The following TACR3 variants were observed in gnomAD, a reference collection of about 807,000 sequenced individuals.
TACR3 encodes neuromedin-K receptor.
In TACR3, 34 loss-of-function variants were observed where a neutral mutation model predicts 35.0. The ratio of observed to expected loss-of-function variants is 0.97; its 90% CI spans 0.74 to 1.30. The LOEUF (loss-of-function observed/expected upper bound fraction) is 1.30. Among genes scored for constraint, TACR3 ranks in the 50% most tolerant of loss-of-function variants. The probability of loss-of-function intolerance (pLI) is 0.00; values close to 1 mark genes in which losing one functional copy is unlikely to be tolerated. For synonymous variants in TACR3, 233 were observed against 221.1 expected (o/e 1.05, Z -0.48); for missense variants, 558 against 591.7 (o/e 0.94, Z 0.59).
At chr4:103,595,432 C>G (rs1008303056) in intron 3 of TACR3, among the ~76,000 whole-genome samples, 1 of 152,106 alleles carries the variant, frequency 6.6e-6, no homozygotes, top group Non-Finnish European at 1.5e-5. Flanking sequence ...CTATTTTTAG[C>G]AGTTAAGAAT....
chr4:103,714,876 T>G (rs971408935), intron 1 of TACR3, among the ~76,000 whole-genome samples: 2 of 152,330 alleles, frequency 1.3e-5, no homozygotes, highest in African/African-American at 4.8e-5. Context: ...ATATTTTTAT[T>G]CGTTCAGAAT....
chr4:103,682,547 C>A (rs757733086), intron 1 of TACR3, among the ~76,000 whole-genome samples: 2 of 152,088 alleles, frequency 1.3e-5, no homozygotes, highest in East Asian at 3.9e-4. Flanking sequence ...ATTCAATCAC[C>A]TCCTACCTGG....
intron 1 of TACR3, among the ~76,000 whole-genome samples, chr4:103,687,930 G>A (rs1356310767): frequency 1.6e-4 from 25 of 152,176 alleles, no homozygotes; most frequent in Admixed American, 1.2e-3. Context: ...AAAAGAGCCC[G>A]CATCGCCAAG....
intron 1 of TACR3, among the ~76,000 whole-genome samples, chr4:103,704,596 C>T (rs28438896): frequency 0.33 from 49,581 of 152,020 alleles, 12,390 homozygotes; most frequent in African/African-American, 0.7. Context: ...TCAGATCCCA[C>T]GAGAACTCAC....
At chr4:103,601,150 G>C (rs1249736339) in intron 3 of TACR3, among the ~76,000 whole-genome samples, 2 of 152,114 alleles carry the variant, frequency 1.3e-5, no homozygotes, top group Non-Finnish European at 2.9e-5. Context: ...CCTGTATTGG[G>C]TGTATATATA....
chr4:103,621,188 G>C (rs1344063310), intron 3 of TACR3, among the ~76,000 whole-genome samples: 1 of 152,180 alleles, frequency 6.6e-6, no homozygotes, highest in Non-Finnish European at 1.5e-5. Flanking sequence ...TCTGTGATGA[G>C]AGCAATTGAA....
chr4:103,649,931 T>G (rs913565856), intron 3 of TACR3, among the ~76,000 whole-genome samples: 1 of 152,050 alleles, frequency 6.6e-6, no homozygotes, highest in African/African-American at 2.4e-5. Flanking sequence ...ATTGAAGAGT[T>G]TGTTATTTAT....
At chr4:103,687,780 C>T (rs542745666) in intron 1 of TACR3, among the ~76,000 whole-genome samples, 3 of 152,292 alleles carry the variant, frequency 2.0e-5, no homozygotes, top group African/African-American at 7.2e-5. Context: ...ATTCCATGCT[C>T]ATGTATAGGA....
chr4:103,672,133 G>C lies in TACR3; in HGVS notation c.549-13730C>G, dbSNP rs190337540. 1.8e-3 allele frequency among the ~76,000 whole-genome samples: 281 copies of C among 152,244 alleles called. 2 individuals carry two copies. Among genetic ancestry groups the C allele is most frequent in the Non-Finnish European group, 2.7e-3 (184 of 67,982 alleles). ...ATTAAAGTTTGATTATGAGATTGCA[G>C]CAATTCAGTCACATCTTCAGGCTCC... On this transcript the variant is annotated intron_variant, in intron 1 of 4. Transcript: ENST00000304883.
At chr4:103,654,003 T>A (rs941168428) in intron 3 of TACR3, among the ~76,000 whole-genome samples, 28 of 146,704 alleles carry the variant, frequency 1.9e-4, no homozygotes, top group Non-Finnish European at 4.2e-4. Flanking sequence ...TGAGATACCA[T>A]CTCACACCAG....
chr4:103,688,211 C>A (rs1306674146), intron 1 of TACR3, among the ~76,000 whole-genome samples: 1 of 152,180 alleles, frequency 6.6e-6, no homozygotes, highest in Non-Finnish European at 1.5e-5. Context: ...AAAGCTGAAA[C>A]TGGATCCCTT....
At position 103,587,540 on chromosome 4, in the gene TACR3, A is replaced by T. The variant is rs1218375455; in HGVS notation, c.*2142T>A. On this transcript the variant is annotated 3_prime_UTR_variant, in exon 5 of 5. Coordinates refer to ENST00000304883, the MANE Select transcript of TACR3 (RefSeq NM_001059.3). ...TAGAAAATTCTACTGAATTTCTCTA[A>T]TATGTGAGGGCCAGGAGTTATATTT... 6.6e-6 allele frequency: 1 copy of T among 152,212 alleles called. No individual in the cohort carries two copies. The highest frequency in any genetic ancestry group is 1.9e-4 in the East Asian group (1 of 5,186). The allele number at this position is 152,212 out of a possible 1,614,324, so 9.4% of individuals were successfully genotyped here.
intron 1 of TACR3, among the ~76,000 whole-genome samples, chr4:103,706,863 G>T (rs1722805439): frequency 6.6e-6 from 1 of 152,180 alleles, no homozygotes; most frequent in South Asian, 2.1e-4. Context: ...AAGAGCTTTT[G>T]CCATATATTA....
At chr4:103,664,430 C>T (rs146944338) in intron 1 of TACR3, among the ~76,000 whole-genome samples, 1 of 152,204 alleles carries the variant, frequency 6.6e-6, no homozygotes, top group East Asian at 1.9e-4. Flanking sequence ...TGAGCTTTTA[C>T]ATATCTTCAA....
intron 3 of TACR3, among the ~76,000 whole-genome samples, chr4:103,609,440 A>G (rs1465737994): frequency 6.6e-6 from 1 of 152,146 alleles, no homozygotes; most frequent in Non-Finnish European, 1.5e-5. Context: ...GGAGCAACAT[A>G]AAAGTACATT....
intron 4 of TACR3, 171 bp downstream of exon 4, chr4:103,591,316 A>G (rs1167463571): frequency 2.8e-6 from 2 of 710,740 alleles, no homozygotes; most frequent in South Asian, 1.7e-5. Context: ...GATGCTTTAT[A>G]AAGTGTGTAT....
At chr4:103,627,087 C>T (rs990346208) in intron 3 of TACR3, among the ~76,000 whole-genome samples, 1 of 137,832 alleles carries the variant, frequency 7.3e-6, no homozygotes, top group Non-Finnish European at 1.5e-5. Flanking sequence ...GAGGCTGAGG[C>T]AGGAGAATCA....
At chr4:103,708,676 G>C (rs1378316392) in intron 1 of TACR3, among the ~76,000 whole-genome samples, 1 of 152,198 alleles carries the variant, frequency 6.6e-6, no homozygotes, top group Admixed American at 6.5e-5. Context: ...GACAAGTTGA[G>C]AGAAGAAGCC....
intron 3 of TACR3, among the ~76,000 whole-genome samples, chr4:103,651,717 T>C (rs979885692): frequency 6.6e-6 from 1 of 151,978 alleles, no homozygotes; most frequent in Non-Finnish European, 1.5e-5. Flanking sequence ...GAAGCTAGCA[T>C]GTCTCAGGCT....
Sources: gnomAD v4.1 joint callset for allele counts (sites outside exome capture counted in the v4.1 genomes callset) on GRCh38, gnomAD v4.1.1 for gene constraint, MANE v1.5 for transcripts, NCBI Gene and HGNC (gene_info 2026-07-23, HGNC 2026-07-21) for gene names.